PLSCR5: variants seen among roughly 807,000 people sequenced by gnomAD.
PLSCR5 encodes the protein phospholipid scramblase family member 5, also known as phospholipid scramblase family, member 5.
Under a neutral mutation model 33.6 loss-of-function variants are expected in PLSCR5, and 44 were observed. That is an observed-to-expected ratio of 1.31 (90% confidence interval 1.03 to 1.69). The LOEUF is 1.69. Among genes scored for constraint, PLSCR5 ranks in the 40% most tolerant of loss-of-function variants. The pLI is 0.00. For missense variants in PLSCR5, 375 were observed against 318.7 expected (o/e 1.18, Z -1.34); for synonymous variants, 148 against 112.3 (o/e 1.32, Z -2.01).
intron 6 of PLSCR5, among the ~76,000 whole-genome samples, chr3:146,586,661 C>T (rs1033205032): frequency 6.6e-6 from 1 of 152,094 alleles, no homozygotes; most frequent in Admixed American, 6.6e-5. Context: ...CCAGAGAGAA[C>T]TCAAAGAGTG....
At chr3:146,587,866 G>A (rs1011123976) in intron 6 of PLSCR5, among the ~76,000 whole-genome samples, 4 of 151,618 alleles carry the variant, frequency 2.6e-5, no homozygotes, top group Non-Finnish European at 2.9e-5. Context: ...ATATGTATAT[G>A]TATATGTATA....
At chr3:146,595,015 A>T (rs191841893) in intron 3 of PLSCR5, 26 bp downstream of exon 3, 209 of 1,295,952 alleles carry the variant, frequency 1.6e-4, no homozygotes, top group Non-Finnish European at 1.5e-4. Context: ...GTTTTAATAA[A>T]TATGTAATAT....
At chr3:146,594,170 CA>C (rs754903678) in intron 3 of PLSCR5, 30 bp from the exon 4 acceptor site, 89 of 1,509,162 alleles carry the variant, frequency 5.9e-5, no homozygotes, top group Non-Finnish European at 7.5e-5. Flanking sequence ...ATTATAAAAA[CA>C]TTTTTTTCCT....
At chr3:146,591,593 A>G in intron 5 of PLSCR5, 127 bp downstream of exon 5, 1 of 1,057,834 alleles carries the variant, frequency 9.5e-7, no homozygotes, top group Admixed American at 2.6e-5. Context: ...TGATTACATT[A>G]TATTACAAAT....
rs368020556 is a variant in PLSCR5, at chr3:146,591,339, C to A, written c.615+381G>T. Reference sequence around the variant, plus strand: ...AGTCTTGCACACATTAAAATAGCAACACATTTACTATTCTAATCAAAGAGA... The same window carrying A: ...AGTCTTGCACACATTAAAATAGCAAAACATTTACTATTCTAATCAAAGAGA... On this transcript the variant is annotated intron_variant, in intron 5 of 7. Coordinates refer to ENST00000443512, the MANE Select transcript of PLSCR5 (RefSeq NM_001085420.2). Among the ~76,000 whole-genome samples, 21 of 151,960 alleles carry A rather than the reference C, an allele frequency of 1.4e-4. 1 individual carries two copies. The East Asian group carries it at 1.7e-3, about 13-fold the overall frequency.
chr3:146,588,432 C>T lies in PLSCR5; in HGVS notation c.777+1221G>A, dbSNP rs567091745. On this transcript the variant is annotated intron_variant, in intron 6 of 7. Transcript: ENST00000443512. ...GTTGTGGTGAGCCAAGATTGCGCCA[C>T]TGCACTCCAGCCTGGGTGACAGAGT... 2.0e-5 allele frequency among the ~76,000 whole-genome samples: 3 copies of T among 152,196 alleles called. No homozygotes were observed. In the East Asian group the frequency reaches 5.8e-4, roughly 29 times the overall value.
At position 146,589,680 on chromosome 3, in the gene PLSCR5, T is replaced by G; in HGVS notation, c.750A>C (p.Ala250=). The G allele has an allele frequency of 3.1e-6, 5 of 1,599,220 alleles. No individual in the cohort carries two copies. The highest frequency in any genetic ancestry group is 4.3e-6 in the Non-Finnish European group (5 of 1,170,048). Reference sequence around the variant, plus strand: ...AGAGAAAACAGGCACCGATCATTGCTGCTTTGACTGTTACATCTAGATCTG... The same window carrying G: ...AGAGAAAACAGGCACCGATCATTGCGGCTTTGACTGTTACATCTAGATCTG... ...VPADLDVTVK[A]AMIGACFLFD... Residue 250 remains alanine, a synonymous_variant, in exon 6 of 8, where the codon GCA becomes GCC. Transcript: ENST00000443512.
chr3:146,597,563 A>G (rs2044771750), intron 2 of PLSCR5, among the ~76,000 whole-genome samples: 2 of 152,158 alleles, frequency 1.3e-5, no homozygotes, highest in South Asian at 4.1e-4. Flanking sequence ...TCTCTGTGAA[A>G]AAATCTCCTG....
chr3:146,579,587 T>C (rs1004533308), intron 7 of PLSCR5, among the ~76,000 whole-genome samples: 6 of 152,204 alleles, frequency 3.9e-5, no homozygotes, highest in African/African-American at 1.2e-4. Flanking sequence ...CTGATTTATC[T>C]AACAAGTTTT....
chr3:146,599,514 C>CT (rs200837530), intron 2 of PLSCR5, among the ~76,000 whole-genome samples: 2,988 of 141,874 alleles, frequency 0.021, 40 homozygotes, highest in Non-Finnish European at 0.03. Context: ...TTTGCATTAA[C>CT]TTTTTTTTTT....
At chr3:146,595,196 C>A in intron 2 of PLSCR5, 113 bp from the exon 3 acceptor site, 1 of 499,560 alleles carries the variant, frequency 2.0e-6, no homozygotes, top group Non-Finnish European at 3.2e-6. Flanking sequence ...GATTTTCATG[C>A]TTTCTATTAG....
In PLSCR5 at chr3:146,589,697, C is replaced by T. The variant is rs761966141; in HGVS notation, c.733G>A (p.Asp245Asn). The T allele has an allele frequency of 3.7e-6, 6 of 1,606,298 alleles. No homozygotes were observed. The Admixed American group carries it at 5.0e-5, about 13-fold the overall frequency. The change falls in exon 6 of 8, where the codon GAT becomes AAT. Residue 245 changes from aspartate (D) to asparagine (N), a missense_variant. Physicochemically the swap from Asp to Asn is conservative, Grantham distance 23 (BLOSUM62 1). Coordinates refer to ENST00000443512, the MANE Select transcript of PLSCR5 (RefSeq NM_001085420.2). ...NFGIHVPADL[D>N]VTVKAAMIGA... ...ATCATTGCTGCTTTGACTGTTACAT[C>T]TAGATCTGCAGGAACATGAATTCCG... is the stretch of plus-strand genomic sequence containing the variant.
At chr3:146,598,298 C>T (rs1027055431) in intron 2 of PLSCR5, among the ~76,000 whole-genome samples, 14 of 151,874 alleles carry the variant, frequency 9.2e-5, no homozygotes, top group Non-Finnish European at 1.8e-4. Flanking sequence ...TCTAAAAATT[C>T]ATTTTATATT....
downstream of PLSCR5, among the ~76,000 whole-genome samples, chr3:146,583,291 C>A (rs1244544729): frequency 1.3e-5 from 2 of 152,096 alleles, no homozygotes; most frequent in Non-Finnish European, 2.9e-5. Flanking sequence ...TACTTATTGG[C>A]ATGTAAGAGC....
intron 4 of PLSCR5, among the ~76,000 whole-genome samples, chr3:146,592,433 G>A (rs1560107977): frequency 6.6e-6 from 1 of 152,034 alleles, no homozygotes; most frequent in African/African-American, 2.4e-5. Flanking sequence ...CAAAGTGTTC[G>A]AGACTAGTAG....
chr3:146,594,044 C>A lies in PLSCR5; in HGVS notation c.329G>T (p.Arg110Leu), dbSNP rs559124176. The change falls in exon 4 of 8, where the codon CGT becomes CTT. Residue 110 changes from arginine to leucine, a missense_variant. By Grantham distance (102) the Arg-to-Leu change is moderately radical. Coordinates refer to ENST00000443512, the MANE Select transcript of PLSCR5 (RefSeq NM_001085420.2). ...AGATCGCAGAGTGGAACAGAAAGTA[C>A]GATTGAAGCAGATGCTTTCCTCCAC... ...FAVEESICFN[R>L]TFCSTLRSCT... The A allele has an allele frequency of 1.2e-6, 2 of 1,613,530 alleles. No homozygotes were observed. Among genetic ancestry groups the A allele is most frequent in the Non-Finnish European group, 1.7e-6 (2 of 1,179,740 alleles).
rs1279903920 is a variant in PLSCR5, at chr3:146,595,082, A to G, written c.191T>C (p.Leu64Ser). The G allele has an allele frequency of 7.0e-7, 1 of 1,418,818 alleles. No individual in the cohort carries two copies. Among genetic ancestry groups the G allele is most frequent in the East Asian group, 2.7e-5 (1 of 37,536 alleles). The allele number at this position is 1,418,818 out of a possible 1,614,324, so 87.9% of individuals were successfully genotyped here. ...LPPGLEYLSQLDLIIIHQQVE... is the reference protein window; with the variant it reads ...LPPGLEYLSQSDLIIIHQQVE... ...CTGCTGGTGTATAATTATCAGGTCT[A>G]ACTGTAAAGGATGACATAAAAGGAA... The change falls in exon 3 of 8, where the codon TTA (leucine) becomes TCA (serine). Residue 64 changes from leucine to serine, a missense_variant and splice_region_variant. Coordinates refer to ENST00000443512, the MANE Select transcript of PLSCR5 (RefSeq NM_001085420.2).
chr3:146,604,139 A>G (rs1448696180), intron 1 of PLSCR5, among the ~76,000 whole-genome samples: 1 of 152,124 alleles, frequency 6.6e-6, no homozygotes, highest in African/African-American at 2.4e-5. Flanking sequence ...TAATTAATTT[A>G]AAAGGTTTTC....
intron 7 of PLSCR5, among the ~76,000 whole-genome samples, chr3:146,577,308 CT>C (rs1282730785): frequency 6.6e-6 from 1 of 152,078 alleles, no homozygotes; most frequent in African/African-American, 2.4e-5. Context: ...GCTCAATGAC[CT>C]TGAGTCACCA....
Sources: allele counts gnomAD v4.1 joint callset (sites outside exome capture counted in the v4.1 genomes callset), GRCh38; gene constraint gnomAD v4.1.1; transcripts MANE v1.5; gene names NCBI Gene and HGNC (gene_info 2026-07-23, HGNC 2026-07-21).